Variants in SMG6 observed in about 807,000 individuals in gnomAD.
The protein encoded by SMG6 is SMG6 nonsense mediated mRNA decay factor.
SMG6 carries 66 observed loss-of-function variants against 142.2 expected under a neutral mutation model. That is an observed-to-expected ratio of 0.46 (90% CI 0.38 to 0.57). The LOEUF (loss-of-function observed/expected upper bound fraction) is 0.57, where lower values mean the gene tolerates loss of function less well. Ranked by LOEUF, SMG6 falls within the 20% of genes least tolerant of loss-of-function variation. SMG6 has a pLI of 0.00. For synonymous variants in SMG6, 779 were observed against 702.4 expected, an observed-to-expected ratio of 1.11 and a Z score of -1.72; for missense variants, 1,793 against 1,832.0, an observed-to-expected ratio of 0.98 and a Z score of 0.39.
Position 2,292,644 on chromosome 17 carries a change from A to T in SMG6, c.2259-14T>A, listed in dbSNP as rs1459919662. The T allele has an allele frequency of 3.7e-6, 6 of 1,613,620 alleles. No individual in the cohort carries two copies. The highest frequency in any genetic ancestry group is 5.1e-6 in the Non-Finnish European group (6 of 1,179,848). On this transcript the variant is annotated splice_polypyrimidine_tract_variant and intron_variant, in intron 5 of 18. Transcript: ENST00000263073. ...TTCAGGTACCAACTAGAACAGAAAA[A>T]ACAGTAAGAAAATGCTAGTTCCAGA... is the stretch of plus-strand genomic sequence containing the variant.
intron 1 of SMG6, 160 bp downstream of exon 1, chr17:2,303,473 G>T: frequency 7.6e-7 from 1 of 1,320,408 alleles, no homozygotes; most frequent in Non-Finnish European, 9.6e-7. Flanking sequence ...TAACCCGCGA[G>T]AGAGGTAGGG....
intron 13 of SMG6, among the ~76,000 whole-genome samples, chr17:2,111,789 A>T (rs1252390706): frequency 2.0e-5 from 3 of 152,128 alleles, no homozygotes; most frequent in African/African-American, 7.2e-5. Flanking sequence ...TTAGCTACAC[A>T]GTTTGAAGGA....
chr17:2,293,028 AC>A (rs1380347797), intron 4 of SMG6, 51 bp from the exon 5 acceptor site: 1 of 1,274,396 alleles, frequency 7.8e-7, no homozygotes, highest in East Asian at 2.3e-5. Context: ...ACTAACTTCA[AC>A]CCTCAAAGGA....
chr17:2,064,193 T>C (rs971156655), intron 18 of SMG6, among the ~76,000 whole-genome samples: 2 of 152,024 alleles, frequency 1.3e-5, no homozygotes, highest in African/African-American at 4.8e-5. Flanking sequence ...AGACCACTTA[T>C]AGGTAGACAG....
At position 2,298,996 on chromosome 17, in the gene SMG6, C is replaced by G; in HGVS notation, c.1757G>C (p.Arg586Pro). Reference protein sequence around the residue: ...LQQQELHRLLRVADNQELQLS... With the variant: ...LQQQELHRLLPVADNQELQLS... Reference sequence around the variant, plus strand: ...CTGCAGTTCCTGGTTGTCAGCCACCCGGAGAAGCCTGTGCAGCTCCTGTTG... The same window carrying G: ...CTGCAGTTCCTGGTTGTCAGCCACCGGGAGAAGCCTGTGCAGCTCCTGTTG... The change falls in exon 2 of 19, where the codon CGG becomes CCG. Residue 586 changes from arginine (R) to proline (P), a missense_variant. Coordinates refer to ENST00000263073, the MANE Select transcript of SMG6 (RefSeq NM_017575.5). The G allele has an allele frequency of 1.9e-6, 3 of 1,614,146 alleles. No individual in the cohort carries two copies. The highest frequency in any genetic ancestry group is 2.5e-6 in the Non-Finnish European group (3 of 1,180,028).
chr17:2,157,599 A>G (rs1429762031), intron 13 of SMG6, among the ~76,000 whole-genome samples: 1 of 152,244 alleles, frequency 6.6e-6, no homozygotes, highest in Non-Finnish European at 1.5e-5. Flanking sequence ...AGAAGGCAGA[A>G]AGCATGGACT....
At chr17:2,286,992 C>T (rs1287187186) in intron 6 of SMG6, among the ~76,000 whole-genome samples, 6 of 135,612 alleles carry the variant, frequency 4.4e-5, no homozygotes, top group Admixed American at 3.4e-4. Flanking sequence ...AGTGCAGTGG[C>T]GTGATCTTGG....
chr17:2,212,926 C>T (rs1004016723), intron 10 of SMG6, among the ~76,000 whole-genome samples: 1 of 152,234 alleles, frequency 6.6e-6, no homozygotes, highest in South Asian at 2.1e-4. Context: ...CGCTGCCTCA[C>T]GAAGCCATTA....
chr17:2,083,265 T>A (rs963687608), intron 14 of SMG6, among the ~76,000 whole-genome samples: 1 of 152,224 alleles, frequency 6.6e-6, no homozygotes, highest in Non-Finnish European at 1.5e-5. Flanking sequence ...CAAGGTCATA[T>A]ACAGATGGAA....
chr17:2,068,847 T>G lies in SMG6; in HGVS notation c.3766A>C (p.Ile1256Leu). The change falls in exon 16 of 19, where the codon ATT becomes CTT. Residue 1256 changes from isoleucine (I) to leucine (L), a missense_variant. By Grantham distance (5) the Ile-to-Leu change is conservative. Transcript: ENST00000263073. The surrounding 1 kb of genome is among the most constrained non-coding windows in gnomAD (Gnocchi z 6.7). ...CGCGCCAGACTGGCCAGGTGGTCAA[T>G]GAAGCCGTTGGTGTCTGGTACGAGG... ...LFLVPDTNGFIDHLASLARLL... is the reference protein window; with the variant it reads ...LFLVPDTNGFLDHLASLARLL... 6.2e-7 allele frequency: 1 copy of G among 1,614,216 alleles called. No individual in the cohort carries two copies. Among genetic ancestry groups the G allele is most frequent in the South Asian group, 1.1e-5 (1 of 91,084 alleles).
intron 13 of SMG6, among the ~76,000 whole-genome samples, chr17:2,162,195 A>T (rs1354143407): frequency 6.6e-6 from 1 of 152,164 alleles, no homozygotes; most frequent in African/African-American, 2.4e-5. Flanking sequence ...AACAAAACAT[A>T]AAGTTTGATT....
At chr17:2,272,334 C>A (rs529222522) in intron 8 of SMG6, among the ~76,000 whole-genome samples, 8 of 152,320 alleles carry the variant, frequency 5.3e-5, no homozygotes, top group African/African-American at 1.9e-4. Flanking sequence ...CCTCTCTCCT[C>A]ACCCCAAACC....
At position 2,073,228 on chromosome 17, in the gene SMG6, C is replaced by T. The variant is rs528939369; in HGVS notation, c.3682-4297G>A. Among the ~76,000 whole-genome samples, 29 of 152,046 alleles carry T rather than the reference C, an allele frequency of 1.9e-4. No individual in the cohort carries two copies. The East Asian group carries it at 5.1e-3, about 27-fold the overall frequency. On this transcript the variant is annotated intron_variant, in intron 15 of 18. Coordinates refer to ENST00000263073, the MANE Select transcript of SMG6 (RefSeq NM_017575.5). ...CCTCCCAAGTAGCTGGGATTACAAG[C>T]GTGAGCCAACACGCCCGGCTAATTT...
intron 15 of SMG6, among the ~76,000 whole-genome samples, chr17:2,077,223 C>G (rs541404880): frequency 6.6e-6 from 1 of 152,324 alleles, no homozygotes; most frequent in African/African-American, 2.4e-5. Flanking sequence ...CTAAACTGAG[C>G]TGAAGACATG....
chr17:2,112,439 C>A (rs1010131741), intron 13 of SMG6, among the ~76,000 whole-genome samples: 32 of 151,020 alleles, frequency 2.1e-4, no homozygotes, highest in Non-Finnish European at 3.1e-4. Context: ...ACCCGGGAGG[C>A]GGAGGTTGCA....
chr17:2,064,083 C>T (rs1051576126), intron 18 of SMG6, among the ~76,000 whole-genome samples: 6 of 151,882 alleles, frequency 4.0e-5, no homozygotes, highest in Non-Finnish European at 2.9e-5. Flanking sequence ...GGGGAGAGGA[C>T]GCAGGAGAGA....
At chr17:2,155,308 C>T (rs929533712) in intron 13 of SMG6, among the ~76,000 whole-genome samples, 5 of 152,120 alleles carry the variant, frequency 3.3e-5, no homozygotes, top group South Asian at 4.1e-4. Flanking sequence ...GTGATCTGCC[C>T]GCCTCAGCTT....
rs138301573 is a variant in SMG6 at position 2,300,365 on chromosome 17, G to T, written c.388C>A (p.Arg130Ser). 5 of 1,613,824 alleles carry T rather than the reference G, an allele frequency of 3.1e-6. No individual in the cohort carries two copies. Among genetic ancestry groups the T allele is most frequent in the Non-Finnish European group, 4.2e-6 (5 of 1,180,032 alleles). The change falls in exon 2 of 19, where the codon CGT (arginine) becomes AGT (serine). Residue 130 changes from arginine to serine, a missense_variant. Arg to Ser is a moderately radical substitution (Grantham distance 110, BLOSUM62 -1). Transcript: ENST00000263073. ...GTTCTTTTGATAATTTTTAGACTAC[G>T]ATCCTCTTGTCCAGCAGTCCTAGGA... ...SFPRTAGQED[R>S]SLKIIKRTKK...
At chr17:2,086,079 C>G (rs78197683) in intron 13 of SMG6, among the ~76,000 whole-genome samples, 178 bp from the exon 14 acceptor site, 2,860 of 152,192 alleles carry the variant, frequency 0.019, 59 homozygotes, top group South Asian at 0.066. Context: ...AAGTGAGGGC[C>G]CAGGGCAGGC....
Sources: allele counts gnomAD v4.1 joint callset (sites outside exome capture counted in the v4.1 genomes callset), GRCh38; gene constraint gnomAD v4.1.1; non-coding constraint Gnocchi (gnomAD v3.1); transcripts MANE v1.5; gene names NCBI Gene and HGNC (gene_info 2026-07-23, HGNC 2026-07-21).